SIPA1L1: variants seen among roughly 807,000 people sequenced by gnomAD.
The protein encoded by SIPA1L1 is signal-induced proliferation-associated 1-like protein 1.
Under a neutral mutation model 162.7 loss-of-function variants are expected in SIPA1L1, and 26 were observed. The ratio of observed to expected loss-of-function variants is 0.16; its 90% CI spans 0.12 to 0.22. The LOEUF (loss-of-function observed/expected upper bound fraction) is 0.22, where lower values mean the gene tolerates loss of function less well. SIPA1L1 is among the 10% of genes least tolerant of loss of function. The probability of loss-of-function intolerance (pLI) is 1.00; values close to 1 mark genes in which losing one functional copy is unlikely to be tolerated. For synonymous variants in SIPA1L1, 829 were observed against 837.4 expected, an observed-to-expected ratio of 0.99 and a Z score of 0.17; for missense variants, 1,874 against 2,241.0, an observed-to-expected ratio of 0.84 and a Z score of 3.31.
At chr14:71,556,755 GT>G (rs2056388865) in intron 4 of SIPA1L1, among the ~76,000 whole-genome samples, 1 of 152,196 alleles carries the variant, frequency 6.6e-6, no homozygotes, top group South Asian at 2.1e-4. Context: ...GGTCCTTTGG[GT>G]TTTTATACAA....
chr14:71,715,174 G>T (rs2083172541), intron 17 of SIPA1L1, among the ~76,000 whole-genome samples: 1 of 152,210 alleles, frequency 6.6e-6, no homozygotes, highest in Non-Finnish European at 1.5e-5. Flanking sequence ...CAGGCAAGTT[G>T]GGAGAGGAAC....
At chr14:71,405,562 C>G (rs1002188482) in intron 2 of SIPA1L1, among the ~76,000 whole-genome samples, 1 of 152,150 alleles carries the variant, frequency 6.6e-6, no homozygotes, top group African/African-American at 2.4e-5. Context: ...GAGAATGCCC[C>G]TTCTGGGGTA....
intron 2 of SIPA1L1, among the ~76,000 whole-genome samples, chr14:71,367,607 CT>C (rs773250069): frequency 0.011 from 1,388 of 121,022 alleles, 19 homozygotes; most frequent in African/African-American, 0.039. Flanking sequence ...CGTGCCCGGC[CT>C]TTTTTTTTTT....
chr14:71,616,974 TAG>T (rs1251226294), intron 5 of SIPA1L1, among the ~76,000 whole-genome samples: 1 of 152,146 alleles, frequency 6.6e-6, no homozygotes, highest in Admixed American at 6.5e-5. Context: ...TGGTTTTTAT[TAG>T]AGTCCATGAA....
chr14:71,535,910 C>T (rs561052435), intron 4 of SIPA1L1, among the ~76,000 whole-genome samples: 33 of 152,186 alleles, frequency 2.2e-4, no homozygotes, highest in Middle Eastern at 3.4e-3. Flanking sequence ...GCACCTGGTC[C>T]CTTCTAGATT....
chr14:71,387,224 G>T (rs1226451511), intron 2 of SIPA1L1, among the ~76,000 whole-genome samples: 1 of 128,540 alleles, frequency 7.8e-6, no homozygotes, highest in Non-Finnish European at 1.6e-5. Context: ...CTCCAGCCTG[G>T]GCAACAAGAG....
chr14:71,527,461 C>A (rs1794981270), intron 3 of SIPA1L1, among the ~76,000 whole-genome samples: 1 of 152,108 alleles, frequency 6.6e-6, no homozygotes, highest in South Asian at 2.1e-4. Context: ...CCTGCTTCAG[C>A]CTCCCAAAAT....
chr14:71,471,462 C>G (rs921840194), intron 2 of SIPA1L1, among the ~76,000 whole-genome samples: 3 of 152,216 alleles, frequency 2.0e-5, no homozygotes, highest in African/African-American at 7.2e-5. Flanking sequence ...AAGCAAGACT[C>G]TGTCTTGGGG....
At chr14:71,580,135 T>G (rs994795052) in intron 4 of SIPA1L1, among the ~76,000 whole-genome samples, 5 of 152,230 alleles carry the variant, frequency 3.3e-5, no homozygotes, top group Non-Finnish European at 5.9e-5. Flanking sequence ...CTTCATCGCT[T>G]TCTCTTCTGC....
intron 2 of SIPA1L1, among the ~76,000 whole-genome samples, chr14:71,499,620 G>A (rs1567110655): frequency 6.6e-6 from 1 of 152,116 alleles, no homozygotes; most frequent in East Asian, 1.9e-4. Flanking sequence ...CTCATTTCAG[G>A]ATGTGAAATA....
intron 4 of SIPA1L1, among the ~76,000 whole-genome samples, chr14:71,571,555 A>G (rs1390033513): frequency 6.6e-6 from 1 of 152,226 alleles, no homozygotes; most frequent in Non-Finnish European, 1.5e-5. Context: ...AGTAAAAGCT[A>G]GAAGTTAATG....
At chr14:71,592,086 C>G (rs2035477495) in intron 5 of SIPA1L1, among the ~76,000 whole-genome samples, 1 of 152,158 alleles carries the variant, frequency 6.6e-6, no homozygotes, top group Non-Finnish European at 1.5e-5. Context: ...CTAGGGATCA[C>G]CCACTAGACT....
intron 4 of SIPA1L1, among the ~76,000 whole-genome samples, chr14:71,578,930 ACT>A (rs1173816439): frequency 6.6e-6 from 1 of 152,130 alleles, no homozygotes; most frequent in African/African-American, 2.4e-5. Flanking sequence ...TCACTTTTTT[ACT>A]CTGACATGAA....
At chr14:71,551,687 C>T (rs1387513307) in intron 4 of SIPA1L1, among the ~76,000 whole-genome samples, 1 of 152,180 alleles carries the variant, frequency 6.6e-6, no homozygotes, top group Non-Finnish European at 1.5e-5. Flanking sequence ...CAACCCCATA[C>T]CAGGCCCTGC....
At chr14:71,654,024 A>G (rs1398249659) in intron 8 of SIPA1L1, among the ~76,000 whole-genome samples, 2 of 152,228 alleles carry the variant, frequency 1.3e-5, no homozygotes, top group African/African-American at 2.4e-5. Context: ...TTGAGCTAAC[A>G]GTACTCAAAC....
At chr14:71,684,583 G>A (rs557312283) in intron 12 of SIPA1L1, among the ~76,000 whole-genome samples, 5 of 151,382 alleles carry the variant, frequency 3.3e-5, no homozygotes, top group African/African-American at 1.2e-4. Context: ...CGCAATGTGC[G>A]GTGGCGGGAA....
chr14:71,561,407 G>A (rs990170107), intron 4 of SIPA1L1, among the ~76,000 whole-genome samples: 6 of 151,956 alleles, frequency 3.9e-5, no homozygotes, highest in African/African-American at 4.8e-5. Flanking sequence ...TTAGCTGATC[G>A]CAATCCAATA....
chr14:71,340,806 G>C (rs894191439), intron 2 of SIPA1L1, among the ~76,000 whole-genome samples: 5 of 152,196 alleles, frequency 3.3e-5, no homozygotes, highest in Non-Finnish European at 5.9e-5. Flanking sequence ...AGGCATGGTG[G>C]TGCATGCCTG....
chr14:71,687,645 A>T (rs893115125), intron 13 of SIPA1L1, among the ~76,000 whole-genome samples: 1 of 152,202 alleles, frequency 6.6e-6, no homozygotes, highest in South Asian at 2.1e-4. Context: ...GCTGAGTATC[A>T]TATTTCGATG....
Sources: allele counts gnomAD v4.1 joint callset (sites outside exome capture counted in the v4.1 genomes callset), GRCh38; gene constraint gnomAD v4.1.1; transcripts MANE v1.5; gene names NCBI Gene and HGNC (gene_info 2026-07-23, HGNC 2026-07-21).